USP48: variants seen among roughly 807,000 people sequenced by gnomAD.
USP48 encodes the protein ubiquitin carboxyl-terminal hydrolase 48.
A neutral mutation model predicts 150.7 loss-of-function variants in USP48; 43 were observed. That is an observed-to-expected ratio of 0.29 (90% CI 0.22 to 0.37). USP48 has a LOEUF of 0.37. USP48 is among the 10% of genes least tolerant of loss of function. The probability of loss-of-function intolerance (pLI) is 1.00; values close to 1 mark genes in which losing one functional copy is unlikely to be tolerated. For missense variants in USP48, 813 were observed against 1,249.6 expected (o/e 0.65, Z 5.27); for synonymous variants, 396 against 425.9 (o/e 0.93, Z 0.86).
chr1:21,753,037 TG>T lies in USP48; in HGVS notation c.494del (p.Pro165HisfsTer56). On this transcript the variant is annotated frameshift_variant, in exon 4 of 27. Transcript: ENST00000308271. LOFTEE classifies it high-confidence loss of function. Reference sequence around the variant, plus strand: ...GGCCCAAGGCTTTAACAAATCCTGATGGATCAATGTATCGCCTATTACTGTT... The same window carrying T: ...GGCCCAAGGCTTTAACAAATCCTGATGATCAATGTATCGCCTATTACTGTT... ...LQNSNRRYID[P>X]SGFVKALGLD... 1 of 1,611,976 alleles carries T rather than the reference TG, an allele frequency of 6.2e-7. No homozygotes were observed. The highest frequency in any genetic ancestry group is 8.5e-7 in the Non-Finnish European group (1 of 1,179,538).
intron 14 of USP48, among the ~76,000 whole-genome samples, chr1:21,716,492 T>C (rs892972017): frequency 6.6e-6 from 1 of 152,222 alleles, no homozygotes; most frequent in Non-Finnish European, 1.5e-5. Flanking sequence ...TATGAATTGT[T>C]TACTTCTGGA....
chr1:21,754,383 C>G lies in USP48; in HGVS notation c.413-1264G>C, dbSNP rs1032570942. 2.6e-5 allele frequency among the ~76,000 whole-genome samples: 4 copies of G among 152,112 alleles called. No individual in the cohort carries two copies. In the East Asian group the frequency reaches 7.7e-4, roughly 29 times the overall value. Reference sequence around the variant, plus strand: ...CACACTTAAGTGAAGAATACAAAACCGTAGAATTTTAGAGTTGAAAGTTTT... The same window carrying G: ...CACACTTAAGTGAAGAATACAAAACGGTAGAATTTTAGAGTTGAAAGTTTT... On this transcript the variant is annotated intron_variant, in intron 3 of 26. Coordinates refer to ENST00000308271, the MANE Select transcript of USP48 (RefSeq NM_032236.8).
At chr1:21,760,306 T>C (rs2097846867) in intron 1 of USP48, among the ~76,000 whole-genome samples, 1 of 152,212 alleles carries the variant, frequency 6.6e-6, no homozygotes, top group African/African-American at 2.4e-5. Flanking sequence ...GTTCTGCAGA[T>C]TTCTGTAGGA....
At position 21,747,140 on chromosome 1, in the gene USP48, T is replaced by C; in HGVS notation, c.918A>G (p.Gly306=). 1.2e-6 allele frequency: 2 copies of C among 1,610,534 alleles called. No homozygotes were observed. Among genetic ancestry groups the C allele is most frequent in the South Asian group, 1.1e-5 (1 of 90,616 alleles). Reference sequence around the variant, plus strand: ...TGTAGGTATTCAGCTTTTTCTTATGTCCAGTTTGCCTAACCAAGAGGAAAG... The same window carrying C: ...TGTAGGTATTCAGCTTTTTCTTATGCCCAGTTTGCCTAACCAAGAGGAAAG... ...LMRFVFDRQT[G]HKKKLNTYIG... The change falls in exon 8 of 27, where the codon GGA becomes GGG. Residue 306 remains glycine (G), a synonymous_variant. Transcript: ENST00000308271.
Position 21,706,804 on chromosome 1 carries a change from C to T in USP48, c.2028G>A (p.Gln676=). ...LVSKEAWSKL[Q]QYFPKAPEFP... The stretch of plus-strand genomic sequence containing the variant: ...ACTCAGGAGCCTTTGGAAAGTACTG[C>T]TGCAGTTTGCTCCAAGCCTCTTTAG... Residue 676 remains glutamine, a synonymous_variant, in exon 16 of 27, where the codon CAG becomes CAA. Coordinates refer to ENST00000308271, the MANE Select transcript of USP48 (RefSeq NM_032236.8). 1 of 1,613,850 alleles carries T rather than the reference C, an allele frequency of 6.2e-7. No homozygotes were observed. Among genetic ancestry groups the T allele is most frequent in the South Asian group, 1.1e-5 (1 of 91,066 alleles).
chr1:21,767,983 G>A (rs1465012470), intron 1 of USP48, among the ~76,000 whole-genome samples: 1 of 152,120 alleles, frequency 6.6e-6, no homozygotes, highest in Non-Finnish European at 1.5e-5. Context: ...CGAGGCGGGT[G>A]GATCACAAGG....
chr1:21,728,567 G>T lies in USP48; in HGVS notation c.1450+3C>A, dbSNP rs2097746396. ...CAGTGCTGTCCCAGAATATCTTACA[G>T]ACCAGCTCCAGCAGGTAACCTTTGG... On this transcript the variant is annotated splice_donor_region_variant and intron_variant, in intron 11 of 26. Coordinates refer to ENST00000308271, the MANE Select transcript of USP48 (RefSeq NM_032236.8). The T allele has an allele frequency of 6.2e-7, 1 of 1,613,454 alleles. No individual in the cohort carries two copies. Among genetic ancestry groups the T allele is most frequent in the African/African-American group, 1.3e-5 (1 of 74,902 alleles).
chr1:21,723,982 C>A lies in USP48; in HGVS notation c.1564G>T (p.Asp522Tyr). 6.2e-7 allele frequency: 1 copy of A among 1,614,076 alleles called. No individual in the cohort carries two copies. Among genetic ancestry groups the A allele is most frequent in the Non-Finnish European group, 8.5e-7 (1 of 1,180,026 alleles). Residue 522 changes from aspartate (D) to tyrosine (Y), a missense_variant, in exon 12 of 27, where the codon GAT becomes TAT. Transcript: ENST00000308271. The part of the protein sequence containing the change: ...CLCSHDKLHP[D>Y]KISIMKRISE... Reference sequence around the variant, plus strand: ...ATCCTCTTCATAATTGATATTTTATCCGGGTGAAGCTTGTCATGGGAACAC... The same window carrying A: ...ATCCTCTTCATAATTGATATTTTATACGGGTGAAGCTTGTCATGGGAACAC...
chr1:21,742,516 C>G (rs1028086743), intron 8 of USP48, among the ~76,000 whole-genome samples: 1 of 148,204 alleles, frequency 6.7e-6, no homozygotes, highest in East Asian at 2.0e-4. Context: ...TGCACTCCAG[C>G]CTGGGTGACA....
intron 20 of USP48, 119 bp from the exon 21 acceptor site, chr1:21,703,737 A>G: frequency 2.4e-6 from 2 of 832,546 alleles, no homozygotes; most frequent in East Asian, 2.5e-5. Flanking sequence ...TCTTAGTAAC[A>G]TTTTCTTTTT....
intron 24 of USP48, 38 bp downstream of exon 24, chr1:21,689,936 A>T: frequency 6.2e-7 from 1 of 1,609,570 alleles, no homozygotes; most frequent in South Asian, 1.1e-5. Flanking sequence ...GTAACATGTA[A>T]AACCTTGAGT....
intron 23 of USP48, among the ~76,000 whole-genome samples, chr1:21,693,978 G>A (rs2097612941): frequency 6.6e-6 from 1 of 152,172 alleles, no homozygotes; most frequent in African/African-American, 2.4e-5. Flanking sequence ...AGGAAATTTG[G>A]TCAACTTTTT....
At chr1:21,694,595 A>AAAC (rs2097618314) in intron 23 of USP48, among the ~76,000 whole-genome samples, 3 of 123,560 alleles carry the variant, frequency 2.4e-5, no homozygotes, top group African/African-American at 8.5e-5. Flanking sequence ...AAAAAAAAAA[A>AAAC]AAAAAAAAAA....
At chr1:21,720,527 TTTTC>T (rs2097717376) in intron 14 of USP48, among the ~76,000 whole-genome samples, 1 of 148,488 alleles carries the variant, frequency 6.7e-6, no homozygotes, top group Non-Finnish European at 1.5e-5. Context: ...GGGTTTTTCT[TTTTC>T]TTTTTTTTTT....
At chr1:21,758,728 C>T (rs981823499) in intron 1 of USP48, among the ~76,000 whole-genome samples, 31 of 150,482 alleles carry the variant, frequency 2.1e-4, no homozygotes, top group Non-Finnish European at 3.2e-4. Flanking sequence ...CTGGCCTGGG[C>T]GACAGAGCAA....
At chr1:21,708,327 C>T (rs1249815480) in intron 15 of USP48, among the ~76,000 whole-genome samples, 2 of 151,538 alleles carry the variant, frequency 1.3e-5, no homozygotes, top group African/African-American at 2.4e-5. Flanking sequence ...GGCGAAACCC[C>T]GTCTCTACTC....
chr1:21,738,811 G>C (rs2097774580), intron 8 of USP48, among the ~76,000 whole-genome samples: 2 of 152,070 alleles, frequency 1.3e-5, no homozygotes, highest in Non-Finnish European at 2.9e-5. Flanking sequence ...ACTGGACACG[G>C]TTTCAGGCAT....
intron 17 of USP48, 101 bp from the exon 18 acceptor site, chr1:21,706,288 A>G (rs994276429): frequency 9.9e-6 from 15 of 1,511,278 alleles, no homozygotes; most frequent in Admixed American, 6.2e-5. Context: ...AGTTTTATAA[A>G]TAAAATGAAA....
At chr1:21,757,006 C>G (rs1281268888) in intron 2 of USP48, 1 of 985,140 alleles carries the variant, frequency 1.0e-6, no homozygotes, top group Non-Finnish European at 1.2e-6. Context: ...CGGTTTTGAA[C>G]AAGCGTATAT....
Sources: gnomAD v4.1 joint callset for allele counts (sites outside exome capture counted in the v4.1 genomes callset) on GRCh38, gnomAD v4.1.1 for gene constraint, MANE v1.5 for transcripts, NCBI Gene and HGNC (gene_info 2026-07-23, HGNC 2026-07-21) for gene names.